Variants in VPREB1 observed in about 807,000 individuals in gnomAD.
VPREB1 encodes the protein immunoglobulin iota chain.
Under a neutral mutation model 13.6 loss-of-function variants are expected in VPREB1, and 17 were observed. The observed-to-expected ratio is 1.25, with a 90% CI of 0.86 to 1.88. The LOEUF (loss-of-function observed/expected upper bound fraction) is 1.88. Ranked by LOEUF, VPREB1 falls within the 40% of genes most tolerant of loss-of-function variation. The pLI is 0.00. For missense variants in VPREB1, 183 were observed against 190.1 expected, an observed-to-expected ratio of 0.96 and a Z score of 0.22; for synonymous variants, 86 against 73.9, an observed-to-expected ratio of 1.16 and a Z score of -0.84.
At position 22,245,012 on chromosome 22, in the gene VPREB1, G is replaced by A. The variant is rs139951133; in HGVS notation, c.113G>A (p.Arg38His). ...AMSSALGTTIRLTCTLRNDHD... is the reference protein window; with the variant it reads ...AMSSALGTTIHLTCTLRNDHD... The stretch of plus-strand genomic sequence containing the variant: ...TCCTCGGCCCTTGGAACCACAATCC[G>A]CCTCACCTGCACCCTGAGGAACGAC... The change falls in exon 2 of 2, where the codon CGC becomes CAC. Residue 38 changes from arginine to histidine, a missense_variant. Transcript: ENST00000403807. 955 of 1,614,078 alleles carry A rather than the reference G, an allele frequency of 5.9e-4. 5 individuals carry two copies. The African/African-American group carries it at 0.011, about 19-fold the overall frequency.
In VPREB1 at chr22:22,245,322, G is replaced by A. The variant is rs2088112306; in HGVS notation, c.423G>A (p.Arg141=). The change falls in exon 2 of 2, where the codon AGG becomes AGA. Residue 141 remains arginine, a synonymous_variant. Coordinates refer to ENST00000403807, the MANE Select transcript of VPREB1 (RefSeq NM_007128.4). ...AAGAAATGGAACCCACTGCAGCCAG[G>A]ACACGTGTCCCTTGAACTGAAGACA... ...WEEEMEPTAA[R]TRVP The A allele has an allele frequency of 1.3e-6, 2 of 1,491,974 alleles. No homozygotes were observed. The highest frequency in any genetic ancestry group is 1.8e-6 in the Non-Finnish European group (2 of 1,130,264). The allele number at this position is 1,491,974 out of a possible 1,614,324, so 92.4% of individuals were successfully genotyped here.
At position 22,245,017 on chromosome 22, in the gene VPREB1, A is replaced by G. The variant is rs1209071051; in HGVS notation, c.118A>G (p.Thr40Ala). The stretch of plus-strand genomic sequence containing the variant: ...GGCCCTTGGAACCACAATCCGCCTC[A>G]CCTGCACCCTGAGGAACGACCATGA... ...SSALGTTIRL[T>A]CTLRNDHDIG... The change falls in exon 2 of 2, where the codon ACC becomes GCC. Residue 40 changes from threonine (T) to alanine (A), a missense_variant. Thr to Ala is a moderately conservative substitution (Grantham distance 58, BLOSUM62 0). Coordinates refer to ENST00000403807, the MANE Select transcript of VPREB1 (RefSeq NM_007128.4). 1 of 1,613,852 alleles carries G rather than the reference A, an allele frequency of 6.2e-7. No homozygotes were observed. Among genetic ancestry groups the G allele is most frequent in the East Asian group, 2.2e-5 (1 of 44,842 alleles).
At position 22,245,117 on chromosome 22, in the gene VPREB1, C is replaced by T. The variant is rs757983199; in HGVS notation, c.218C>T (p.Ser73Leu). 3.7e-6 allele frequency: 6 copies of T among 1,613,486 alleles called. No individual in the cohort carries two copies. In the South Asian group the frequency reaches 5.5e-5, roughly 15 times the overall value. ...HPPRFLLRYF[S>L]QSDKSQGPQV... ...CCCAGGTTCCTGCTGAGATATTTCT[C>T]ACAATCAGACAAGAGCCAGGGCCCC... The change falls in exon 2 of 2, where the codon TCA becomes TTA. Residue 73 changes from serine to leucine, a missense_variant. Coordinates refer to ENST00000403807, the MANE Select transcript of VPREB1 (RefSeq NM_007128.4).
At position 22,244,824 on chromosome 22, in the gene VPREB1, C is replaced by T. The variant is rs764756028; in HGVS notation, c.11C>T (p.Ala4Val). 2 of 1,614,080 alleles carry T rather than the reference C, an allele frequency of 1.2e-6. No homozygotes were observed. Among genetic ancestry groups the T allele is most frequent in the Non-Finnish European group, 1.7e-6 (2 of 1,180,000 alleles). Residue 4 changes from alanine to valine, a missense_variant, in exon 1 of 2, where the codon GCT (alanine) becomes GTT (valine). Ala to Val is a moderately conservative substitution (Grantham distance 64). Coordinates refer to ENST00000403807, the MANE Select transcript of VPREB1 (RefSeq NM_007128.4). MSW[A>V]PVLLMLFVYC... ...CTGCATGTCTGCACCATGTCCTGGGCTCCTGTCCTGCTCATGCTGTTTGTC... is the reference window on the plus strand; with the variant it reads ...CTGCATGTCTGCACCATGTCCTGGGTTCCTGTCCTGCTCATGCTGTTTGTC...
chr22:22,245,348 G>T lies in VPREB1; in HGVS notation c.*11G>T. ...ACACGTGTCCCTTGAACTGAAGACAGCAGAGGCACGCATCCCCTTGGAGAG... is the reference window on the plus strand; with the variant it reads ...ACACGTGTCCCTTGAACTGAAGACATCAGAGGCACGCATCCCCTTGGAGAG... On this transcript the variant is annotated 3_prime_UTR_variant, in exon 2 of 2. Transcript: ENST00000403807. The T allele has an allele frequency of 6.9e-7, 1 of 1,451,972 alleles. No homozygotes were observed. 89.9% of individuals were successfully genotyped at this position (1,451,972 alleles called of 1,614,324 possible).
At position 22,245,054 on chromosome 22, in the gene VPREB1, A is replaced by G. The variant is rs765468390; in HGVS notation, c.155A>G (p.Tyr52Cys). ...AGGAACGACCATGACATCGGTGTGT[A>G]CAGCGTCTACTGGTACCAGCAGAGG... ...TLRNDHDIGV[Y>C]SVYWYQQRPG... is the part of the protein sequence containing the mutation. Residue 52 changes from tyrosine (Y) to cysteine (C), a missense_variant, in exon 2 of 2, where the codon TAC becomes TGC. By Grantham distance (194) the Tyr-to-Cys change is radical (BLOSUM62 -2). Coordinates refer to ENST00000403807, the MANE Select transcript of VPREB1 (RefSeq NM_007128.4). 1.2e-6 allele frequency: 2 copies of G among 1,614,056 alleles called. No individual in the cohort carries two copies. Among genetic ancestry groups the G allele is most frequent in the African/African-American group, 1.3e-5 (1 of 75,028 alleles).
Position 22,245,413 on chromosome 22 carries a change from G to T in VPREB1, c.*76G>T. ...GGGTGGAGTCGCCGCCCGAAGCGCC[G>T]AGGAGGCTGAGCCACTCAGCATCTC... is the stretch of plus-strand genomic sequence containing the variant. On this transcript the variant is annotated 3_prime_UTR_variant, in exon 2 of 2. Coordinates refer to ENST00000403807, the MANE Select transcript of VPREB1 (RefSeq NM_007128.4). 7.1e-7 allele frequency: 1 copy of T among 1,410,096 alleles called. No homozygotes were observed. Among genetic ancestry groups the T allele is most frequent in the East Asian group, 2.6e-5 (1 of 38,882 alleles). 87.3% of individuals were successfully genotyped at this position (1,410,096 alleles called of 1,614,324 possible).
rs555986282 is a variant in VPREB1 at position 22,244,962 on chromosome 22, G to A, written c.63G>A (p.Pro21=). Residue 21 remains proline, a synonymous_variant, in exon 2 of 2, where the codon CCG becomes CCA. Coordinates refer to ENST00000403807, the MANE Select transcript of VPREB1 (RefSeq NM_007128.4). ...FVYCTGCGPQ[P]VLHQPPAMSS... ...TGTCACCAGGTTGTGGTCCTCAGCC[G>A]GTGCTGCATCAGCCGCCGGCCATGT... is the stretch of plus-strand genomic sequence containing the variant. 29 of 1,614,122 alleles carry A rather than the reference G, an allele frequency of 1.8e-5. No individual in the cohort carries two copies. The highest frequency in any genetic ancestry group is 1.4e-4 in the South Asian group (13 of 91,078).
In VPREB1 at chr22:22,245,359, C is replaced by T; in HGVS notation, c.*22C>T. The T allele has an allele frequency of 6.9e-7, 1 of 1,446,384 alleles. No individual in the cohort carries two copies. Among genetic ancestry groups the T allele is most frequent in the Admixed American group, 2.8e-5 (1 of 35,500 alleles). 89.6% of individuals were successfully genotyped at this position (1,446,384 alleles called of 1,614,324 possible). Reference sequence around the variant, plus strand: ...TTGAACTGAAGACAGCAGAGGCACGCATCCCCTTGGAGAGACTGTCATGGA... The same window carrying T: ...TTGAACTGAAGACAGCAGAGGCACGTATCCCCTTGGAGAGACTGTCATGGA... On this transcript the variant is annotated 3_prime_UTR_variant, in exon 2 of 2. Transcript: ENST00000403807.
Position 22,244,904 on chromosome 22 carries a change from T to C in VPREB1, c.47-42T>C, listed in dbSNP as rs746906552. On this transcript the variant is annotated intron_variant, in intron 1 of 1. Transcript: ENST00000403807. Reference sequence around the variant, plus strand: ...CCAAAGACTCCTGCCCCTTCCTTCATCCTGCCCTGCCCCCACGGCCCACAT... The same window carrying C: ...CCAAAGACTCCTGCCCCTTCCTTCACCCTGCCCTGCCCCCACGGCCCACAT... 1.6e-5 allele frequency: 26 copies of C among 1,613,950 alleles called. 1 individual carries two copies. In the South Asian group the frequency reaches 2.9e-4, roughly 18 times the overall value.
In VPREB1 at chr22:22,244,971, T is replaced by C. The variant is rs1263439398; in HGVS notation, c.72T>C (p.His24=). 5.0e-6 allele frequency: 8 copies of C among 1,614,124 alleles called. No homozygotes were observed. The South Asian group carries it at 8.8e-5, about 18-fold the overall frequency. The change falls in exon 2 of 2, where the codon CAT becomes CAC. Residue 24 remains histidine (H), a synonymous_variant. Coordinates refer to ENST00000403807, the MANE Select transcript of VPREB1 (RefSeq NM_007128.4). ...GTTGTGGTCCTCAGCCGGTGCTGCA[T>C]CAGCCGCCGGCCATGTCCTCGGCCC... ...CTGCGPQPVL[H]QPPAMSSALG...
At chr22:22,244,917 C>T (rs775023415) in intron 1 of VPREB1, 29 bp from the exon 2 acceptor site, 5 of 1,613,960 alleles carry the variant, frequency 3.1e-6, no homozygotes, top group African/African-American at 2.7e-5. Context: ...TGCCCTGCCC[C>T]CACGGCCCAC....
rs759724647 is a variant in VPREB1, at chr22:22,245,050, G to T, written c.151G>T (p.Val51Leu). ...CCTGAGGAACGACCATGACATCGGT[G>T]TGTACAGCGTCTACTGGTACCAGCA... The part of the protein sequence containing the change: ...CTLRNDHDIG[V>L]YSVYWYQQRP... The change falls in exon 2 of 2, where the codon GTG becomes TTG. Residue 51 changes from valine to leucine, a missense_variant. Coordinates refer to ENST00000403807, the MANE Select transcript of VPREB1 (RefSeq NM_007128.4). 6.2e-7 allele frequency: 1 copy of T among 1,614,090 alleles called. No individual in the cohort carries two copies.
At position 22,245,081 on chromosome 22, in the gene VPREB1, C is replaced by T. The variant is rs764103880; in HGVS notation, c.182C>T (p.Pro61Leu). 29 of 1,613,846 alleles carry T rather than the reference C, an allele frequency of 1.8e-5. No homozygotes were observed. Among genetic ancestry groups the T allele is most frequent in the South Asian group, 7.7e-5 (7 of 91,070 alleles). The part of the protein sequence containing the change: ...VYSVYWYQQR[P>L]GHPPRFLLRY... ...AGCGTCTACTGGTACCAGCAGAGGC[C>T]GGGCCACCCTCCCAGGTTCCTGCTG... is the stretch of plus-strand genomic sequence containing the variant. Residue 61 changes from proline (P) to leucine (L), a missense_variant, in exon 2 of 2, where the codon CCG becomes CTG. By Grantham distance (98) the Pro-to-Leu change is moderately conservative. Coordinates refer to ENST00000403807, the MANE Select transcript of VPREB1 (RefSeq NM_007128.4).
At position 22,245,088 on chromosome 22, in the gene VPREB1, C is replaced by A; in HGVS notation, c.189C>A (p.His63Gln). 6.2e-7 allele frequency: 1 copy of A among 1,613,954 alleles called. No individual in the cohort carries two copies. Among genetic ancestry groups the A allele is most frequent in the Non-Finnish European group, 8.5e-7 (1 of 1,179,994 alleles). Residue 63 changes from histidine to glutamine, a missense_variant, in exon 2 of 2, where the codon CAC (histidine) becomes CAA (glutamine). Transcript: ENST00000403807. ...SVYWYQQRPGHPPRFLLRYFS... is the reference protein window; with the variant it reads ...SVYWYQQRPGQPPRFLLRYFS... ...ACTGGTACCAGCAGAGGCCGGGCCA[C>A]CCTCCCAGGTTCCTGCTGAGATATT...
At position 22,245,252 on chromosome 22, in the gene VPREB1, G is replaced by T. The variant is rs762733699; in HGVS notation, c.353G>T (p.Gly118Val). The change falls in exon 2 of 2, where the codon GGG (glycine) becomes GTG (valine). Residue 118 changes from glycine to valine, a missense_variant. Gly to Val is a moderately radical substitution (Grantham distance 109, BLOSUM62 -3). Transcript: ENST00000403807. Reference sequence around the variant, plus strand: ...GAGGCTATGTATTACTGTGCTATGGGGGCCCGCAGCTCGGAGAAGGAGGAG... The same window carrying T: ...GAGGCTATGTATTACTGTGCTATGGTGGCCCGCAGCTCGGAGAAGGAGGAG... Reference protein sequence around the residue: ...EDEAMYYCAMGARSSEKEERE... With the variant: ...EDEAMYYCAMVARSSEKEERE... 1 of 1,568,220 alleles carries T rather than the reference G, an allele frequency of 6.4e-7. No homozygotes were observed. The highest frequency in any genetic ancestry group is 8.6e-7 in the Non-Finnish European group (1 of 1,161,168).
rs747158083 is a variant in VPREB1, at chr22:22,245,187, CAG to C, written c.289_290del (p.Arg97GlyfsTer7). ...CTGGATCCAAAGATGTGGCCAGGAA[CAG>C]GGGGTATTTGAGCATCTCTGAGCTG... ...FSGSKDVARNRGYLSISELQP... is the reference protein window; with the variant it reads ...FSGSKDVARNXGYLSISELQP... On this transcript the variant is annotated frameshift_variant, in exon 2 of 2. Transcript: ENST00000403807. LOFTEE classifies it high-confidence loss of function. The C allele has an allele frequency of 1.9e-6, 3 of 1,590,576 alleles. No individual in the cohort carries two copies. Among genetic ancestry groups the C allele is most frequent in the East Asian group, 2.2e-5 (1 of 44,702 alleles).
chr22:22,245,046 C>A lies in VPREB1; in HGVS notation c.147C>A (p.Ile49=), dbSNP rs200837518. 2 of 1,614,090 alleles carry A rather than the reference C, an allele frequency of 1.2e-6. No individual in the cohort carries two copies. The highest frequency in any genetic ancestry group is 1.1e-5 in the South Asian group (1 of 91,084). The change falls in exon 2 of 2, where the codon ATC becomes ATA. Residue 49 remains isoleucine (I), a synonymous_variant. Transcript: ENST00000403807. ...GCACCCTGAGGAACGACCATGACAT[C>A]GGTGTGTACAGCGTCTACTGGTACC... ...LTCTLRNDHD[I]GVYSVYWYQQ...
At position 22,245,266 on chromosome 22, in the gene VPREB1, G is replaced by T; in HGVS notation, c.367G>T (p.Glu123Ter). The T allele has an allele frequency of 6.4e-7, 1 of 1,565,440 alleles. No homozygotes were observed. The highest frequency in any genetic ancestry group is 8.6e-7 in the Non-Finnish European group (1 of 1,160,212). Residue 123 changes from glutamate to a stop codon, truncating the protein, a stop_gained, in exon 2 of 2, where the codon GAG (glutamate) becomes TAG (stop). Transcript: ENST00000403807. LOFTEE classifies it high-confidence loss of function. ...CTGTGCTATGGGGGCCCGCAGCTCG[G>T]AGAAGGAGGAGAGGGAGAGGGAGTG... is the stretch of plus-strand genomic sequence containing the variant. Reference protein sequence around the residue: ...YYCAMGARSSEKEEREREWEE... With the variant: ...YYCAMGARSS
Sources: gnomAD v4.1 joint callset for allele counts on GRCh38, gnomAD v4.1.1 for gene constraint, MANE v1.5 for transcripts, NCBI Gene and HGNC (gene_info 2026-07-23, HGNC 2026-07-21) for gene names.